The following RBFOX1 variants were observed in gnomAD, a reference collection of about 807,000 sequenced individuals.
The protein encoded by RBFOX1 is RNA binding protein fox-1 homolog 1.
A neutral mutation model predicts 57.7 loss-of-function variants in RBFOX1; 8 were observed. The observed-to-expected ratio is 0.14, with a 90% CI of 0.08 to 0.25. The LOEUF is 0.25. Ranked by LOEUF, RBFOX1 falls within the 10% of genes least tolerant of loss-of-function variation. The pLI is 1.00. For missense variants in RBFOX1, 611 were observed against 548.5 expected, an observed-to-expected ratio of 1.11 and a Z score of -1.14; for synonymous variants, 326 against 222.4, an observed-to-expected ratio of 1.47 and a Z score of -4.15.
At chr16:7,373,472 C>A (rs75812653) in intron 4 of RBFOX1, among the ~76,000 whole-genome samples, 1 of 152,142 alleles carries the variant, frequency 6.6e-6, no homozygotes, top group African/African-American at 2.4e-5. Context: ...GATGTCCGTT[C>A]TCTCCTGGCA....
At chr16:6,280,486 G>A (rs184116263) in intron 1 of RBFOX1, among the ~76,000 whole-genome samples, 2 of 152,238 alleles carry the variant, frequency 1.3e-5, no homozygotes, top group East Asian at 1.9e-4. Flanking sequence ...ATTAAGGGAA[G>A]GGGAGGATTG....
chr16:7,503,704 G>T (rs183709906), intron 4 of RBFOX1, among the ~76,000 whole-genome samples: 5 of 152,198 alleles, frequency 3.3e-5, no homozygotes, highest in African/African-American at 1.2e-4. Context: ...CCAGGAGGTG[G>T]AGAATCCCTA....
At chr16:5,795,610 T>C (rs1275289478) in intron 3 of RBFOX1, among the ~76,000 whole-genome samples, 1 of 152,206 alleles carries the variant, frequency 6.6e-6, no homozygotes, top group Non-Finnish European at 1.5e-5. Flanking sequence ...ATATGTTGTT[T>C]CCTTGACCTG....
At chr16:6,361,730 A>G (rs2088577218) in intron 2 of RBFOX1, among the ~76,000 whole-genome samples, 1 of 152,038 alleles carries the variant, frequency 6.6e-6, no homozygotes, top group African/African-American at 2.4e-5. Flanking sequence ...ATACCAATTG[A>G]ATCAGAATGT....
rs1356672288 is a variant in RBFOX1 at position 5,366,402 on chromosome 16, C to G, written c.220-100814C>G. On this transcript the variant is annotated intron_variant, in intron 1 of 2. Coordinates refer to the RBFOX1 transcript ENST00000585867. ...CCAGTGAAGAAATATATATGAGATA[C>G]TCCAGCCAAAAATGCACACAAGTCA... is the stretch of plus-strand genomic sequence containing the variant. The G allele has an allele frequency of 9.2e-6, 4 of 435,206 alleles. No individual in the cohort carries two copies. In the Admixed American group the frequency reaches 1.1e-4, roughly 12 times the overall value. The allele number at this position is 435,206 out of a possible 1,614,324, so 27.0% of individuals were successfully genotyped here.
chr16:6,933,827 T>C (rs1007487679), intron 3 of RBFOX1, among the ~76,000 whole-genome samples: 1 of 152,242 alleles, frequency 6.6e-6, no homozygotes, highest in African/African-American at 2.4e-5. Flanking sequence ...ATGCAGTGTT[T>C]ACCTCTCTTT....
At chr16:5,440,954 C>T (rs1013133261) in intron 1 of RBFOX1, among the ~76,000 whole-genome samples, 2 of 152,140 alleles carry the variant, frequency 1.3e-5, no homozygotes, top group African/African-American at 4.8e-5. Context: ...CTTTGTCATA[C>T]TTCTCCCAAG....
At chr16:6,824,364 C>G (rs922027203) in intron 3 of RBFOX1, among the ~76,000 whole-genome samples, 13 of 152,172 alleles carry the variant, frequency 8.5e-5, no homozygotes, top group South Asian at 4.1e-4. Context: ...TGAGATCATG[C>G]TACAGCATGC....
At position 6,600,135 on chromosome 16, in the gene RBFOX1, T is replaced by C. The variant is rs1196765919; in HGVS notation, c.-63-54468T>C. ...TTTCTCACTTCCCTTACCAGACCCA[T>C]CACCCAATTTAGTAGGACACAGAAT... is the stretch of plus-strand genomic sequence containing the variant. On this transcript the variant is annotated intron_variant, in intron 2 of 15. Coordinates refer to ENST00000550418, the MANE Select transcript of RBFOX1 (RefSeq NM_018723.4). Among the ~76,000 whole-genome samples, 6 of 152,194 alleles carry C rather than the reference T, an allele frequency of 3.9e-5. No homozygotes were observed. In the South Asian group the frequency reaches 1.0e-3, roughly 26 times the overall value.
chr16:7,186,182 A>C (rs9923637), intron 4 of RBFOX1, among the ~76,000 whole-genome samples: 1 of 140,404 alleles, frequency 7.1e-6, no homozygotes, highest in Non-Finnish European at 1.5e-5. Flanking sequence ...AAATATGTAT[A>C]TAAATATACA....
chr16:5,284,873 CT>C (rs1401285358), intron 1 of RBFOX1, among the ~76,000 whole-genome samples: 8 of 144,224 alleles, frequency 5.5e-5, no homozygotes, highest in African/African-American at 2.0e-4. Flanking sequence ...GGACTTCATG[CT>C]TTTCTCTTGC....
intron 4 of RBFOX1, among the ~76,000 whole-genome samples, chr16:7,165,670 C>G (rs1401837520): frequency 1.3e-5 from 2 of 151,800 alleles, no homozygotes; most frequent in African/African-American, 4.8e-5. Flanking sequence ...CTCAGGTGAT[C>G]TGCCTGCCTC....
intron 4 of RBFOX1, among the ~76,000 whole-genome samples, chr16:7,256,006 C>G (rs2094665397): frequency 6.6e-6 from 1 of 152,124 alleles, no homozygotes; most frequent in South Asian, 2.1e-4. Flanking sequence ...CTCCTTTTGT[C>G]TTATTTGCAT....
At chr16:6,765,970 T>C (rs2077267032) in intron 3 of RBFOX1, among the ~76,000 whole-genome samples, 1 of 152,020 alleles carries the variant, frequency 6.6e-6, no homozygotes, top group South Asian at 2.1e-4. Context: ...CATTGGAGAC[T>C]CAGAAGATGG....
At chr16:5,524,243 C>T (rs893688547) in intron 2 of RBFOX1, among the ~76,000 whole-genome samples, 1 of 152,174 alleles carries the variant, frequency 6.6e-6, no homozygotes, top group Non-Finnish European at 1.5e-5. Context: ...ACCAGAGTAA[C>T]TCAGGAGAGT....
At chr16:7,059,826 T>C (rs191868207) in intron 4 of RBFOX1, among the ~76,000 whole-genome samples, 1 of 152,318 alleles carries the variant, frequency 6.6e-6, no homozygotes, top group Non-Finnish European at 1.5e-5. Context: ...AGCTGCACTT[T>C]TCATTGTAAT....
intron 3 of RBFOX1, among the ~76,000 whole-genome samples, chr16:6,974,346 T>TC (rs1263928246): frequency 2.3e-5 from 3 of 132,516 alleles, no homozygotes; most frequent in Admixed American, 2.3e-4. Flanking sequence ...CTTTTTTTTT[T>TC]TTTTTTTTTT....
intron 12 of RBFOX1, among the ~76,000 whole-genome samples, chr16:7,658,899 A>G (rs1467256900): frequency 1.3e-5 from 2 of 152,064 alleles, no homozygotes; most frequent in Non-Finnish European, 2.9e-5. Context: ...CTAATTTTGT[A>G]TTTTTAGTAG....
intron 1 of RBFOX1, among the ~76,000 whole-genome samples, chr16:6,287,884 T>A (rs558465569): frequency 5.3e-5 from 8 of 152,198 alleles, no homozygotes; most frequent in Non-Finnish European, 1.2e-4. Flanking sequence ...CATCTTCAGA[T>A]AAGCTTTTCA....
Sources: gnomAD v4.1 joint callset for allele counts (sites outside exome capture counted in the v4.1 genomes callset) on GRCh38, gnomAD v4.1.1 for gene constraint, MANE v1.5 for transcripts, NCBI Gene and HGNC (gene_info 2026-07-23, HGNC 2026-07-21) for gene names.